The following GABPB2 variants were observed in gnomAD, a reference collection of about 807,000 sequenced individuals.
GABPB2 encodes GA binding protein transcription factor subunit beta 2, also known as GA-binding protein subunit beta-2.
In GABPB2, 23 loss-of-function variants were observed where a neutral mutation model predicts 39.1. The ratio of observed to expected loss-of-function variants is 0.59; its 90% confidence interval spans 0.42 to 0.83. The LOEUF is 0.83. Among genes scored for constraint, GABPB2 ranks in the 40% least tolerant of loss-of-function variants. The pLI is 0.00. For synonymous variants in GABPB2, 184 were observed against 199.3 expected, an observed-to-expected ratio of 0.92 and a Z score of 0.65; for missense variants, 467 against 541.1, an observed-to-expected ratio of 0.86 and a Z score of 1.36.
At chr1:151,081,091 T>C (rs1249265370) in intron 1 of GABPB2, among the ~76,000 whole-genome samples, 2 of 150,636 alleles carry the variant, frequency 1.3e-5, no homozygotes, top group Non-Finnish European at 3.0e-5. Flanking sequence ...GCCAGGATGG[T>C]CTCGGTCTCC....
At chr1:151,105,176 G>A (rs781340517) in intron 6 of GABPB2, among the ~76,000 whole-genome samples, 3 of 151,996 alleles carry the variant, frequency 2.0e-5, no homozygotes, top group Non-Finnish European at 4.4e-5. Context: ...AAAGTGCTGG[G>A]ATTACAGGTG....
At chr1:151,103,790 C>A (rs1265631925) in intron 6 of GABPB2, 115 bp downstream of exon 6, 5 of 704,214 alleles carry the variant, frequency 7.1e-6, no homozygotes, top group Non-Finnish European at 1.2e-5. Context: ...TTAGAGGCAG[C>A]TAAGGAAAAG....
At chr1:151,083,327 A>C (rs1357643301) in intron 1 of GABPB2, among the ~76,000 whole-genome samples, 2 of 152,204 alleles carry the variant, frequency 1.3e-5, no homozygotes, top group East Asian at 3.8e-4. Flanking sequence ...GTAATTGATA[A>C]TTGGCAATAA....
chr1:151,085,481 C>A (rs909064510), intron 1 of GABPB2, among the ~76,000 whole-genome samples: 1 of 152,102 alleles, frequency 6.6e-6, no homozygotes, highest in Non-Finnish European at 1.5e-5. Flanking sequence ...CGCTCTGTTG[C>A]CCAGGCTGGA....
At chr1:151,093,690 A>G (rs1165967554) in intron 4 of GABPB2, among the ~76,000 whole-genome samples, 1 of 151,646 alleles carries the variant, frequency 6.6e-6, no homozygotes. Flanking sequence ...GGCTAGTACC[A>G]AAAACATTTA....
chr1:151,108,742 A>G (rs1571974426), intron 7 of GABPB2, among the ~76,000 whole-genome samples: 1 of 152,168 alleles, frequency 6.6e-6, no homozygotes, highest in African/African-American at 2.4e-5. Flanking sequence ...ATTGGGTACT[A>G]AGGATGAGTG....
intron 7 of GABPB2, among the ~76,000 whole-genome samples, chr1:151,116,196 A>C (rs1396041614): frequency 3.3e-5 from 5 of 152,076 alleles, no homozygotes; most frequent in Admixed American, 3.3e-4. Context: ...GTTTGAGACC[A>C]GACTGACCAA....
In GABPB2 at chr1:151,097,946, G is replaced by A. The variant is rs772105540; in HGVS notation, c.566G>A (p.Gly189Asp). 10 of 1,614,084 alleles carry A rather than the reference G, an allele frequency of 6.2e-6. No individual in the cohort carries two copies. In the African/African-American group the frequency reaches 9.3e-5, roughly 15 times the overall value. ...GCTGCTCCATTCATCTTCACGTCGG[G>A]TGAGGTTGTTAACCTCGCAAGCCTT... ...SMAAPFIFTS[G>D]EVVNLASLIS... is the part of the protein sequence containing the mutation. Residue 189 changes from glycine to aspartate, a missense_variant, in exon 5 of 9, where the codon GGT becomes GAT. Gly to Asp is a moderately conservative substitution (Grantham distance 94). Transcript: ENST00000368918.
chr1:151,103,544 T>C lies in GABPB2; in HGVS notation c.623-18T>C. Reference sequence around the variant, plus strand: ...TTTTCTCTACATTGGACCTCATTTGTCTTTCTTACTGAAATAGGTGACCCC... The same window carrying C: ...TTTTCTCTACATTGGACCTCATTTGCCTTTCTTACTGAAATAGGTGACCCC... On this transcript the variant is annotated intron_variant, in intron 5 of 8. Transcript: ENST00000368918. 6.4e-7 allele frequency: 1 copy of C among 1,562,096 alleles called. No individual in the cohort carries two copies. Among genetic ancestry groups the C allele is most frequent in the Admixed American group, 1.7e-5 (1 of 58,870 alleles).
chr1:151,071,677 A>G (rs1422103770), intron 1 of GABPB2, among the ~76,000 whole-genome samples: 1 of 152,096 alleles, frequency 6.6e-6, no homozygotes, highest in Non-Finnish European at 1.5e-5. Flanking sequence ...TCACCATGTT[A>G]GCCAGGCTGG....
chr1:151,103,605 C>G lies in GABPB2; in HGVS notation c.666C>G (p.Thr222=). 1 of 1,614,100 alleles carries G rather than the reference C, an allele frequency of 6.2e-7. No homozygotes were observed. The highest frequency in any genetic ancestry group is 1.1e-5 in the South Asian group (1 of 91,074). The change falls in exon 6 of 9, where the codon ACC becomes ACG. Residue 222 remains threonine, a synonymous_variant. Transcript: ENST00000368918. ...CAGTACAGTTTTCAAATTCTACCAC[C>G]TCAGTGCTGGCTACCCTTGCAGCTC... ...ASTVQFSNST[T]SVLATLAALA...
At chr1:151,116,611 T>C (rs966282973) in intron 7 of GABPB2, among the ~76,000 whole-genome samples, 5 of 152,070 alleles carry the variant, frequency 3.3e-5, no homozygotes, top group Admixed American at 1.3e-4. Flanking sequence ...TTTTTTTTGT[T>C]TGTTTGTTTG....
At chr1:151,071,256 C>T (rs1341631618) in intron 1 of GABPB2, among the ~76,000 whole-genome samples, 1 of 152,140 alleles carries the variant, frequency 6.6e-6, no homozygotes, top group African/African-American at 2.4e-5. Flanking sequence ...AGGCCTGTCG[C>T]CGAGGCTGAG....
intron 3 of GABPB2, among the ~76,000 whole-genome samples, chr1:151,092,100 A>ATTTTTTTT (rs34298127): frequency 1.7e-5 from 1 of 58,110 alleles, no homozygotes; most frequent in African/African-American, 6.5e-5. Context: ...CAGTTTTCTA[A>ATTTTTTTT]TTTTTTTTTT....
intron 8 of GABPB2, 104 bp from the exon 9 acceptor site, chr1:151,117,853 G>T: frequency 8.9e-7 from 1 of 1,123,012 alleles, no homozygotes; most frequent in Non-Finnish European, 1.3e-6. Context: ...CAAAGTGCTT[G>T]GATTATAGGT....
chr1:151,109,654 C>T (rs965796497), intron 7 of GABPB2, among the ~76,000 whole-genome samples: 5 of 151,442 alleles, frequency 3.3e-5, no homozygotes, highest in Admixed American at 6.6e-5. Flanking sequence ...CCACCACACC[C>T]GGCCTATAGT....
intron 3 of GABPB2, among the ~76,000 whole-genome samples, chr1:151,090,992 C>T (rs1240807247): frequency 5.3e-5 from 8 of 150,122 alleles, no homozygotes; most frequent in South Asian, 2.1e-4. Context: ...AGCAAGAATC[C>T]GTCTCAAAAC....
At chr1:151,077,157 G>A (rs115745646) in intron 1 of GABPB2, among the ~76,000 whole-genome samples, 42 of 152,126 alleles carry the variant, frequency 2.8e-4, no homozygotes, top group Non-Finnish European at 4.3e-4. Context: ...ACTTTGTTCC[G>A]TAAAAGGAAT....
chr1:151,076,800 T>G (rs1677205102), intron 1 of GABPB2, among the ~76,000 whole-genome samples: 1 of 150,622 alleles, frequency 6.6e-6, no homozygotes, highest in Non-Finnish European at 1.5e-5. Context: ...TCTGATTTTT[T>G]TTTTTTTTTT....
Sources: gnomAD v4.1 joint callset for allele counts (sites outside exome capture counted in the v4.1 genomes callset) on GRCh38, gnomAD v4.1.1 for gene constraint, MANE v1.5 for transcripts, NCBI Gene and HGNC (gene_info 2026-07-23, HGNC 2026-07-21) for gene names.